GOSR2: variants seen among roughly 807,000 people sequenced by gnomAD.
GOSR2 encodes the protein golgi SNAP receptor complex member 2.
In GOSR2, 20 loss-of-function variants were observed where a neutral mutation model predicts 27.9. The observed-to-expected ratio is 0.72, with a 90% CI of 0.50 to 1.04. GOSR2 has a LOEUF of 1.04. Ranked by LOEUF, GOSR2 falls within the 50% of genes least tolerant of loss-of-function variation. GOSR2 has a pLI of 0.00. For synonymous variants in GOSR2, 91 were observed against 98.8 expected, an observed-to-expected ratio of 0.92 and a Z score of 0.47; for missense variants, 261 against 270.5, an observed-to-expected ratio of 0.97 and a Z score of 0.25.
intron 1 of GOSR2, among the ~76,000 whole-genome samples, chr17:46,927,213 TAA>T (rs199949418): frequency 6.6e-6 from 1 of 152,034 alleles, no homozygotes; most frequent in African/African-American, 2.4e-5. Flanking sequence ...TTTTTTCATT[TAA>T]AAAAAATGCC....
chr17:46,943,275 C>T (rs762420906), downstream of GOSR2, among the ~76,000 whole-genome samples: 2 of 152,142 alleles, frequency 1.3e-5, no homozygotes, highest in Admixed American at 6.5e-5. Flanking sequence ...CCATTGGGTG[C>T]CCCTCATTAA....
chr17:46,970,557 A>C (rs1445363785), downstream of GOSR2, among the ~76,000 whole-genome samples: 1 of 151,500 alleles, frequency 6.6e-6, no homozygotes, highest in East Asian at 1.9e-4. Context: ...AAAAAAAAAA[A>C]AAACTCAAGA....
At chr17:46,947,004 C>T (rs1207118078), downstream of GOSR2, among the ~76,000 whole-genome samples, 3 of 152,046 alleles carry the variant, frequency 2.0e-5, no homozygotes, top group Admixed American at 2.0e-4. Context: ...GAAGGTGGGA[C>T]GGGGGCCAGA....
intron 1 of GOSR2, among the ~76,000 whole-genome samples, chr17:46,927,208 T>G (rs927392401): frequency 6.6e-6 from 1 of 152,174 alleles, no homozygotes; most frequent in Non-Finnish European, 1.5e-5. Context: ...TGCCCTTTTT[T>G]CATTTAAAAA....
chr17:46,936,868 T>C (rs1872265907), intron 5 of GOSR2: 2 of 978,930 alleles, frequency 2.0e-6, no homozygotes, highest in African/African-American at 3.5e-5. Context: ...CTTAATTGCT[T>C]TCTGGGCAGA....
At chr17:46,935,708 A>C in intron 5 of GOSR2, 6 of 989,438 alleles carry the variant, frequency 6.1e-6, no homozygotes, top group Non-Finnish European at 7.2e-6. Flanking sequence ...TGGTGATCCC[A>C]GCGACTCTTC....
At chr17:46,968,146 A>G (rs1008281559), downstream of GOSR2, among the ~76,000 whole-genome samples, 4 of 152,046 alleles carry the variant, frequency 2.6e-5, no homozygotes, top group African/African-American at 9.7e-5. Context: ...TTCAGCTCCA[A>G]CAAGCCCCAT....
intron 6 of GOSR2, among the ~76,000 whole-genome samples, chr17:46,957,338 C>T (rs569286126): frequency 3.3e-5 from 5 of 152,136 alleles, no homozygotes; most frequent in African/African-American, 4.8e-5. Flanking sequence ...CCAGGCTAAG[C>T]GCTGTGGCTC....
Position 46,941,389 on chromosome 17 carries a change from A to C in GOSR2, c.*2629A>C. On this transcript the variant is annotated 3_prime_UTR_variant, in exon 6 of 6. Coordinates refer to ENST00000640051, the MANE Select transcript of GOSR2 (RefSeq NM_004287.5). ...ATCACATTTTGTAAAAGAATTCGAT[A>C]TTCATTTTTATAACTAATGGCCCCC... 1.0e-6 allele frequency: 1 copy of C among 981,634 alleles called. No individual in the cohort carries two copies. The highest frequency in any genetic ancestry group is 1.7e-5 in the African/African-American group (1 of 57,280). The allele number at this position is 981,634 out of a possible 1,614,324, so 60.8% of individuals were successfully genotyped here. A position where few individuals can be genotyped will look rare whatever the true frequency, so the allele number is the denominator to read the frequency against.
downstream of GOSR2, among the ~76,000 whole-genome samples, chr17:46,967,927 G>C (rs1362188288): frequency 1.3e-5 from 2 of 152,208 alleles, no homozygotes; most frequent in African/African-American, 4.8e-5. Flanking sequence ...GAGCCACTGT[G>C]AACACAGAAT....
At chr17:46,952,932 C>T (rs1045629591) in intron 6 of GOSR2, 1 of 152,176 alleles carries the variant, frequency 6.6e-6, no homozygotes, top group Non-Finnish European at 1.5e-5. Context: ...TTCTCTCCTC[C>T]CAAGATACCC....
intron 6 of GOSR2, chr17:46,952,926 C>G (rs1358053809): frequency 6.6e-6 from 1 of 152,200 alleles, no homozygotes; most frequent in Non-Finnish European, 1.5e-5. Context: ...CCTCTGTTCT[C>G]TCCTCCCAAG....
intron 1 of GOSR2, among the ~76,000 whole-genome samples, chr17:46,925,588 T>C (rs2086378820): frequency 6.6e-6 from 1 of 152,220 alleles, no homozygotes; most frequent in Non-Finnish European, 1.5e-5. Context: ...AGTTCCATGA[T>C]AACAGAACTG....
At chr17:46,971,203 G>T (rs886409552), downstream of GOSR2, among the ~76,000 whole-genome samples, 2 of 152,112 alleles carry the variant, frequency 1.3e-5, no homozygotes, top group African/African-American at 4.8e-5. Flanking sequence ...CAGGCATGGT[G>T]GTGGGTGCCT....
At chr17:46,961,854 T>C (rs1416867768) in intron 6 of GOSR2, among the ~76,000 whole-genome samples, 5 of 152,222 alleles carry the variant, frequency 3.3e-5, no homozygotes, top group African/African-American at 1.2e-4. Context: ...GTCTGAAGCC[T>C]GTGAGATGAC....
At chr17:46,923,394 C>T in intron 1 of GOSR2, 173 bp downstream of exon 1, 1 of 1,459,126 alleles carries the variant, frequency 6.9e-7, no homozygotes, top group Non-Finnish European at 9.0e-7. Flanking sequence ...CCAGGTCAGC[C>T]ACAGACAGTG....
At chr17:46,950,929 G>A (rs2090293266) in intron 6 of GOSR2, among the ~76,000 whole-genome samples, 2 of 152,168 alleles carry the variant, frequency 1.3e-5, no homozygotes, top group South Asian at 4.1e-4. Context: ...GGAGTCAGAG[G>A]GGGAAGTCAC....
chr17:46,968,624 T>C (rs952873528), downstream of GOSR2: 1 of 152,456 alleles, frequency 6.6e-6, no homozygotes, highest in Non-Finnish European at 1.5e-5. Context: ...AGAACTTAGT[T>C]GGCTTGCTCT....
At chr17:46,936,053 T>C in intron 5 of GOSR2, 2 of 985,810 alleles carry the variant, frequency 2.0e-6, no homozygotes, top group Non-Finnish European at 2.4e-6. Flanking sequence ...CCCTGCCATC[T>C]CTACGGGGGA....
Sources: allele counts gnomAD v4.1 joint callset (sites outside exome capture counted in the v4.1 genomes callset), GRCh38; gene constraint gnomAD v4.1.1; transcripts MANE v1.5; gene names NCBI Gene and HGNC (gene_info 2026-07-23, HGNC 2026-07-21).